The following ZNF670 variants were observed in gnomAD, a reference collection of about 807,000 sequenced individuals.
The protein encoded by ZNF670 is zinc finger protein 670.
In ZNF670, 7 loss-of-function variants were observed where a neutral mutation model predicts 10.9. The ratio of observed to expected loss-of-function variants is 0.64; its 90% CI spans 0.36 to 1.20. The LOEUF (loss-of-function observed/expected upper bound fraction) is 1.20, where lower values mean the gene tolerates loss of function less well. Among genes scored for constraint, ZNF670 ranks in the 50% most tolerant of loss-of-function variants. The pLI, the probability that ZNF670 is intolerant of heterozygous loss-of-function variation, is 0.02. For synonymous variants in ZNF670, 136 were observed against 152.7 expected (o/e 0.89, Z 0.81); for missense variants, 446 against 458.6 (o/e 0.97, Z 0.25).
Position 247,037,595 on chromosome 1 carries a change from A to T in ZNF670, c.1024T>A (p.Cys342Ser), listed in dbSNP as rs759412331. The T allele has an allele frequency of 6.2e-6, 10 of 1,614,146 alleles. No homozygotes were observed. In the Admixed American group the frequency reaches 1.7e-4, roughly 27 times the overall value. ...TGVKPYGCKECGKSFTSSSAL... is the reference protein window; with the variant it reads ...TGVKPYGCKESGKSFTSSSAL... ...CTGGAAGAAGTAAACGACTTACCAC[A>T]TTCCTTACATCCATAAGGTTTCACT... The change falls in exon 4 of 4, where the codon TGT becomes AGT. Residue 342 changes from cysteine to serine, a missense_variant. Cys to Ser is a moderately radical substitution (Grantham distance 112). Coordinates refer to ENST00000366503, the MANE Select transcript of ZNF670 (RefSeq NM_033213.5).
intron 1 of ZNF670, among the ~76,000 whole-genome samples, chr1:247,063,172 A>G (rs1407458465): frequency 1.3e-5 from 2 of 152,236 alleles, no homozygotes; most frequent in Non-Finnish European, 2.9e-5. Context: ...TCCATTACTC[A>G]TTGAAACAAA....
chr1:247,039,742 A>C (rs1214902015), intron 1 of ZNF670, among the ~76,000 whole-genome samples: 1 of 152,248 alleles, frequency 6.6e-6, no homozygotes, highest in East Asian at 1.9e-4. Flanking sequence ...TCAGAAAGTC[A>C]ACAGCAGAGT....
chr1:247,044,603 A>G (rs1239889251), intron 1 of ZNF670, among the ~76,000 whole-genome samples: 4 of 152,218 alleles, frequency 2.6e-5, no homozygotes, highest in Non-Finnish European at 5.9e-5. Context: ...TGGTACATAT[A>G]CACCATGGAA....
In ZNF670 at chr1:247,036,897, C is replaced by A. The variant is rs1000024522; in HGVS notation, c.*552G>T. On this transcript the variant is annotated 3_prime_UTR_variant, in exon 4 of 4. Coordinates refer to ENST00000366503, the MANE Select transcript of ZNF670 (RefSeq NM_033213.5). ...ACACACACACACACACACACACACACACACACATGAACTCATTTTTCATTG... is the reference window on the plus strand; with the variant it reads ...ACACACACACACACACACACACACAAACACACATGAACTCATTTTTCATTG... 1 of 153,144 alleles carries A rather than the reference C, an allele frequency of 6.5e-6. No individual in the cohort carries two copies. The highest frequency in any genetic ancestry group is 2.4e-5 in the African/African-American group (1 of 41,346). 9.5% of individuals were successfully genotyped at this position (153,144 alleles called of 1,614,324 possible). A position where few individuals can be genotyped will look rare whatever the true frequency, so the allele number is the denominator to read the frequency against.
intron 2 of ZNF670, 23 bp downstream of exon 2, chr1:247,039,388 T>C: frequency 6.2e-7 from 1 of 1,600,780 alleles, no homozygotes; most frequent in Non-Finnish European, 8.5e-7. Context: ...ATCAACTACG[T>C]GAATAAGTGT....
At chr1:247,050,010 T>C (rs539133901) in intron 1 of ZNF670, among the ~76,000 whole-genome samples, 3 of 152,226 alleles carry the variant, frequency 2.0e-5, no homozygotes, top group Admixed American at 1.3e-4. Context: ...AATTGTTGAG[T>C]AGAATATTCT....
At chr1:247,054,752 G>A (rs1240523291) in intron 1 of ZNF670, among the ~76,000 whole-genome samples, 2 of 152,172 alleles carry the variant, frequency 1.3e-5, no homozygotes, top group Non-Finnish European at 2.9e-5. Flanking sequence ...AACAGTGACA[G>A]ACTCCTGTTT....
intron 1 of ZNF670, among the ~76,000 whole-genome samples, chr1:247,060,324 T>C (rs572090930): frequency 8.5e-5 from 13 of 152,166 alleles, no homozygotes; most frequent in Non-Finnish European, 1.3e-4. Context: ...CTGACAAATA[T>C]AATCAGCTGA....
chr1:247,062,629 T>A (rs1008477846), intron 1 of ZNF670, among the ~76,000 whole-genome samples: 3 of 152,174 alleles, frequency 2.0e-5, no homozygotes, highest in Non-Finnish European at 4.4e-5. Context: ...CTCACTAAAA[T>A]GCTCAGTGAC....
At chr1:247,041,907 A>T (rs568244089) in intron 1 of ZNF670, among the ~76,000 whole-genome samples, 2 of 152,350 alleles carry the variant, frequency 1.3e-5, no homozygotes, top group South Asian at 2.1e-4. Context: ...CTGAAAAATT[A>T]CAGATGATAA....
At chr1:247,068,094 G>C (rs1422197633) in intron 1 of ZNF670, among the ~76,000 whole-genome samples, 2 of 150,532 alleles carry the variant, frequency 1.3e-5, no homozygotes, top group African/African-American at 2.5e-5. Context: ...CGAGGCAGTA[G>C]ATCACTTGAG....
intron 3 of ZNF670, 92 bp downstream of exon 3, chr1:247,038,718 T>C: frequency 8.7e-7 from 1 of 1,151,618 alleles, no homozygotes; most frequent in Non-Finnish European, 1.2e-6. Flanking sequence ...AAAAAATTTC[T>C]AGTGGTTCTT....
chr1:247,071,107 C>A (rs1671103423), intron 1 of ZNF670, among the ~76,000 whole-genome samples: 1 of 152,160 alleles, frequency 6.6e-6, no homozygotes, highest in South Asian at 2.1e-4. Context: ...ACCCAGCAAT[C>A]CTATTACTGG....
intron 2 of ZNF670, among the ~76,000 whole-genome samples, chr1:247,039,097 T>C (rs1670243723): frequency 6.7e-6 from 1 of 149,452 alleles, no homozygotes; most frequent in African/African-American, 2.5e-5. Context: ...GTTTCTTCGT[T>C]GACCAGGCTG....
At chr1:247,078,522 TC>T (rs1671308836) in intron 1 of ZNF670, 71 bp downstream of exon 1, 11 of 1,597,466 alleles carry the variant, frequency 6.9e-6, no homozygotes, top group South Asian at 2.2e-5. Context: ...CGCGGGGAGG[TC>T]CGGGTTCGCC....
At position 247,048,842 on chromosome 1, in the gene ZNF670, A is replaced by G. The variant is rs1442409075; in HGVS notation, c.4-9305T>C. On this transcript the variant is annotated intron_variant, in intron 1 of 3. Coordinates refer to ENST00000366503, the MANE Select transcript of ZNF670 (RefSeq NM_033213.5). Reference sequence around the variant, plus strand: ...AGATTTCGTGAGAACAATTACTTCCACCTGGTCTCTCAATTCAAGGTGAGA... The same window carrying G: ...AGATTTCGTGAGAACAATTACTTCCGCCTGGTCTCTCAATTCAAGGTGAGA... 4.6e-5 allele frequency among the ~76,000 whole-genome samples: 7 copies of G among 152,268 alleles called. No individual in the cohort carries two copies. The East Asian group carries it at 1.4e-3, about 29-fold the overall frequency.
rs752102677 is a variant in ZNF670, at chr1:247,078,647, C to T, written c.-51G>A. The T allele has an allele frequency of 1.1e-5, 18 of 1,608,874 alleles. No homozygotes were observed. In the South Asian group the frequency reaches 1.8e-4, roughly 16 times the overall value. ...CTCCCTAAGGACCTTCCGGGACCTGCAGGTCCCAGAGCAACAGAAGCTGCC... is the reference window on the plus strand; with the variant it reads ...CTCCCTAAGGACCTTCCGGGACCTGTAGGTCCCAGAGCAACAGAAGCTGCC... On this transcript the variant is annotated 5_prime_UTR_variant, in exon 1 of 4. Transcript: ENST00000366503.
chr1:247,048,250 AT>A (rs1371862104), intron 1 of ZNF670, among the ~76,000 whole-genome samples: 1 of 152,056 alleles, frequency 6.6e-6, no homozygotes, highest in Non-Finnish European at 1.5e-5. Flanking sequence ...GATACCCTAA[AT>A]CATCTCTCTC....
chr1:247,066,260 T>C (rs531939580), intron 1 of ZNF670, among the ~76,000 whole-genome samples: 22 of 152,176 alleles, frequency 1.4e-4, no homozygotes, highest in African/African-American at 4.1e-4. Flanking sequence ...CCACCCAGGA[T>C]TGCTGAGGAC....
Sources: gnomAD v4.1 joint callset for allele counts (sites outside exome capture counted in the v4.1 genomes callset) on GRCh38, gnomAD v4.1.1 for gene constraint, MANE v1.5 for transcripts, NCBI Gene and HGNC (gene_info 2026-07-23, HGNC 2026-07-21) for gene names.